The following DCK variants were observed in gnomAD, a reference collection of about 807,000 sequenced individuals.
The protein encoded by DCK is deoxyadenosine kinase.
In DCK, 23 loss-of-function variants were observed where a neutral mutation model predicts 38.3. The observed-to-expected ratio is 0.60, with a 90% confidence interval of 0.43 to 0.85. The LOEUF (loss-of-function observed/expected upper bound fraction) is 0.85. DCK is among the 40% of genes least tolerant of loss of function. The pLI is 0.00. For missense variants in DCK, 259 were observed against 304.4 expected (o/e 0.85, Z 1.11); for synonymous variants, 108 against 100.6 (o/e 1.07, Z -0.44).
chr4:71,018,380 G>C (rs1424799184), intron 2 of DCK, among the ~76,000 whole-genome samples: 1 of 151,876 alleles, frequency 6.6e-6, no homozygotes, highest in Non-Finnish European at 1.5e-5. Flanking sequence ...CACCCGCCTT[G>C]GCCTCCCAAA....
intron 2 of DCK, among the ~76,000 whole-genome samples, chr4:71,009,531 C>T (rs935098970): frequency 1.3e-5 from 2 of 152,132 alleles, no homozygotes; most frequent in African/African-American, 4.8e-5. Context: ...CATTTTCTTT[C>T]CATATACTTG....
rs150031486 is a variant in DCK, at chr4:71,002,934, C to T, written c.207+4752C>T. Among the ~76,000 whole-genome samples the T allele has an allele frequency of 1.2e-3, 186 of 152,212 alleles. 2 individuals are homozygous for T. The East Asian group carries it at 0.033, about 27-fold the overall frequency. On this transcript the variant is annotated intron_variant, in intron 2 of 6. Coordinates refer to ENST00000286648, the MANE Select transcript of DCK (RefSeq NM_000788.3). ...TAATTTGCCACTCTGTGTCTTTCAA[C>T]TGGGGCATTTAGCCCATTTACATTT...
intron 2 of DCK, among the ~76,000 whole-genome samples, chr4:70,999,101 T>A (rs1419560360): frequency 6.6e-6 from 1 of 152,194 alleles, no homozygotes; most frequent in Non-Finnish European, 1.5e-5. Context: ...ACACATGCCA[T>A]GGTGGTTTGC....
intron 2 of DCK, among the ~76,000 whole-genome samples, chr4:71,013,670 G>T (rs112930874): frequency 9.2e-5 from 14 of 152,140 alleles, no homozygotes; most frequent in Non-Finnish European, 1.3e-4. Context: ...AACTTCATAA[G>T]TGAAGGAGAA....
intron 4 of DCK, among the ~76,000 whole-genome samples, chr4:71,024,807 T>TA (rs1740508938): frequency 6.6e-6 from 1 of 152,114 alleles, no homozygotes; most frequent in Non-Finnish European, 1.5e-5. Flanking sequence ...GAAACATTTA[T>TA]AGTCACTATT....
chr4:71,022,431 G>A lies in DCK; in HGVS notation c.272G>A (p.Arg91Gln). 1.2e-6 allele frequency: 2 copies of A among 1,606,608 alleles called. No individual in the cohort carries two copies. Among genetic ancestry groups the A allele is most frequent in the Middle Eastern group, 1.7e-4 (1 of 6,026 alleles). The change falls in exon 3 of 7, where the codon CGA becomes CAA. Residue 91 changes from arginine (R) to glutamine (Q), a missense_variant. By Grantham distance (43) the Arg-to-Gln change is conservative. Coordinates refer to ENST00000286648, the MANE Select transcript of DCK (RefSeq NM_000788.3). ...CAGATGATGTATGAGAAACCTGAAC[G>A]ATGGTCTTTTACCTTCCAAACATAT... The part of the protein sequence containing the change: ...VLQMMYEKPE[R>Q]WSFTFQTYAC...
chr4:71,024,836 TATA>T (rs1365609644), intron 4 of DCK, among the ~76,000 whole-genome samples: 2 of 152,088 alleles, frequency 1.3e-5, no homozygotes, highest in East Asian at 1.9e-4. Context: ...ATTTAGCAAA[TATA>T]ATAATTTTGA....
chr4:71,014,209 C>G (rs925780725), intron 2 of DCK, among the ~76,000 whole-genome samples: 1 of 152,124 alleles, frequency 6.6e-6, no homozygotes, highest in African/African-American at 2.4e-5. Context: ...AATACAACAA[C>G]AAGAGCTAAC....
In DCK at chr4:70,998,527, A is replaced by G. The variant is rs77662480; in HGVS notation, c.207+345A>G. On this transcript the variant is annotated intron_variant, in intron 2 of 6. Transcript: ENST00000286648. ...ACTATTTGGGAGGATATATGCAGAT[A>G]CTACACCATTTTACATAAAGGACTT... 8.2e-3 allele frequency among the ~76,000 whole-genome samples: 1,255 copies of G among 152,332 alleles called. 9 individuals carry two copies. Among genetic ancestry groups the G allele is most frequent in the African/African-American group, 0.029 (1,193 of 41,560 alleles).
chr4:70,998,390 A>G (rs1049096724), intron 2 of DCK, among the ~76,000 whole-genome samples: 2 of 152,224 alleles, frequency 1.3e-5, no homozygotes, highest in African/African-American at 2.4e-5. Flanking sequence ...CCAATCATGA[A>G]TAGAAAATAT....
intron 2 of DCK, among the ~76,000 whole-genome samples, chr4:71,018,122 A>C (rs796995015): frequency 8.3e-4 from 89 of 106,976 alleles, no homozygotes; most frequent in African/African-American, 2.6e-3. Context: ...ATTCTAGATT[A>C]TTTCTTTTTT....
intron 4 of DCK, among the ~76,000 whole-genome samples, 167 bp from the exon 5 acceptor site, chr4:71,025,649 T>C (rs1166526776): frequency 6.6e-6 from 1 of 152,106 alleles, no homozygotes; most frequent in Non-Finnish European, 1.5e-5. Flanking sequence ...ACCAAGTGGC[T>C]GAAAAGCTCA....
chr4:71,011,579 A>G (rs1740091869), intron 2 of DCK, among the ~76,000 whole-genome samples: 1 of 152,104 alleles, frequency 6.6e-6, no homozygotes, highest in African/African-American at 2.4e-5. Flanking sequence ...ATTTGTCTCA[A>G]ACTCCTGGGA....
chr4:71,024,175 G>A (rs985971336), intron 4 of DCK, among the ~76,000 whole-genome samples: 1 of 152,092 alleles, frequency 6.6e-6, no homozygotes, highest in Admixed American at 6.5e-5. Flanking sequence ...GTTGATGGAG[G>A]TCCATATCAA....
Position 71,012,019 on chromosome 4 carries a change from C to T in DCK, c.208-10348C>T, listed in dbSNP as rs538929838. ...AATATTATAAAGTAATACCTGTTTA[C>T]TGTTTGAAGTTAAGGAAATATTAGA... is the stretch of plus-strand genomic sequence containing the variant. On this transcript the variant is annotated intron_variant, in intron 2 of 6. Transcript: ENST00000286648. 3.9e-5 allele frequency among the ~76,000 whole-genome samples: 6 copies of T among 152,200 alleles called. No individual in the cohort carries two copies. The East Asian group carries it at 1.2e-3, about 29-fold the overall frequency.
chr4:70,997,897 G>A (rs1007518017), intron 1 of DCK, among the ~76,000 whole-genome samples, 170 bp from the exon 2 acceptor site: 1 of 152,166 alleles, frequency 6.6e-6, no homozygotes, highest in African/African-American at 2.4e-5. Context: ...AATTGGGCAG[G>A]GAGCCTTTTC....
rs543840612 is a variant in DCK at position 70,994,644 on chromosome 4, T to A, written c.91+718T>A. Among the ~76,000 whole-genome samples the A allele has an allele frequency of 3.3e-5, 5 of 152,358 alleles. No individual in the cohort carries two copies. The East Asian group carries it at 5.8e-4, about 18-fold the overall frequency. On this transcript the variant is annotated intron_variant, in intron 1 of 6. Coordinates refer to ENST00000286648, the MANE Select transcript of DCK (RefSeq NM_000788.3). The stretch of plus-strand genomic sequence containing the variant: ...TTCTAGTTGTGGACCTCAGGGTTGT[T>A]TACAGTTTTTTAGCTATATTATTAG...
chr4:70,995,237 A>C (rs922253998), intron 1 of DCK, among the ~76,000 whole-genome samples: 2 of 152,220 alleles, frequency 1.3e-5, no homozygotes, highest in African/African-American at 4.8e-5. Context: ...CTGCTTACTG[A>C]ATAAAGAAGA....
intron 2 of DCK, among the ~76,000 whole-genome samples, chr4:71,008,094 A>C (rs1739994421): frequency 6.6e-6 from 1 of 152,102 alleles, no homozygotes; most frequent in African/African-American, 2.4e-5. Context: ...TTTTTGAGTG[A>C]TTTCCAATTT....
Sources: allele counts gnomAD v4.1 joint callset (sites outside exome capture counted in the v4.1 genomes callset), GRCh38; gene constraint gnomAD v4.1.1; transcripts MANE v1.5; gene names NCBI Gene and HGNC (gene_info 2026-07-23, HGNC 2026-07-21).